The following PCDH9 variants were observed in gnomAD, a reference collection of about 807,000 sequenced individuals.
The protein encoded by PCDH9 is protocadherin-9.
PCDH9 carries 24 observed loss-of-function variants against 70.6 expected under a neutral mutation model. That is an observed-to-expected ratio of 0.34 (90% CI 0.25 to 0.48). The LOEUF (loss-of-function observed/expected upper bound fraction) is 0.48, where lower values mean the gene tolerates loss of function less well. Ranked by LOEUF, PCDH9 falls within the 20% of genes least tolerant of loss-of-function variation. PCDH9 has a pLI of 0.99. For synonymous variants in PCDH9, 562 were observed against 558.5 expected (o/e 1.01, Z -0.09); for missense variants, 1,281 against 1,503.6 (o/e 0.85, Z 2.45).
chr13:66,503,658 A>T (rs149149692), intron 4 of PCDH9, among the ~76,000 whole-genome samples: 1 of 152,334 alleles, frequency 6.6e-6, no homozygotes, highest in East Asian at 1.9e-4. Context: ...TGATAAGAAT[A>T]TGTATCCCAC....
At chr13:66,616,828 G>C (rs9599124) in intron 4 of PCDH9, among the ~76,000 whole-genome samples, 1 of 152,026 alleles carries the variant, frequency 6.6e-6, no homozygotes, top group South Asian at 2.1e-4. Flanking sequence ...GCTGAGTTCC[G>C]CAGTTTCACC....
At chr13:66,918,062 A>C (rs74361241) in intron 2 of PCDH9, among the ~76,000 whole-genome samples, 11 of 151,448 alleles carry the variant, frequency 7.3e-5, no homozygotes, top group Non-Finnish European at 1.5e-4. Flanking sequence ...ATTTAAGCTA[A>C]GAGGAAATGA....
At chr13:66,823,637 G>C (rs903440034) in intron 3 of PCDH9, among the ~76,000 whole-genome samples, 1 of 151,918 alleles carries the variant, frequency 6.6e-6, no homozygotes, top group African/African-American at 2.4e-5. Context: ...ATAATGTATG[G>C]GTTTTTCAGG....
intron 2 of PCDH9, among the ~76,000 whole-genome samples, chr13:67,162,883 A>C (rs2138421283): frequency 6.6e-6 from 1 of 152,354 alleles, no homozygotes; most frequent in East Asian, 1.9e-4. Flanking sequence ...ATATATCTTA[A>C]GTATGTCATT....
chr13:66,832,783 CAGAT>C (rs2080951348), intron 3 of PCDH9, among the ~76,000 whole-genome samples: 2 of 152,118 alleles, frequency 1.3e-5, no homozygotes, highest in African/African-American at 4.8e-5. Flanking sequence ...TAGCTTAAAT[CAGAT>C]GATTAACAAA....
chr13:66,688,926 A>T (rs1403315902), intron 3 of PCDH9, among the ~76,000 whole-genome samples: 1 of 152,150 alleles, frequency 6.6e-6, no homozygotes, highest in Non-Finnish European at 1.5e-5. Flanking sequence ...CTTACTAATT[A>T]TGTAGGAAAA....
chr13:66,936,556 G>A (rs560387074), intron 2 of PCDH9, among the ~76,000 whole-genome samples: 4 of 152,232 alleles, frequency 2.6e-5, no homozygotes, highest in Admixed American at 2.6e-4. Context: ...ATGATAAGTT[G>A]AAACTAAAGT....
At chr13:66,610,820 T>G (rs973866951) in intron 4 of PCDH9, among the ~76,000 whole-genome samples, 3 of 152,206 alleles carry the variant, frequency 2.0e-5, no homozygotes, top group Non-Finnish European at 4.4e-5. Flanking sequence ...GCACCACTCC[T>G]CCTGTGACAG....
intron 3 of PCDH9, among the ~76,000 whole-genome samples, chr13:66,710,926 T>C (rs2078784783): frequency 6.6e-6 from 1 of 152,188 alleles, no homozygotes; most frequent in Admixed American, 6.5e-5. Flanking sequence ...CCTGATTACA[T>C]TGATCATATC....
chr13:66,756,090 T>C (rs2079534693), intron 3 of PCDH9, among the ~76,000 whole-genome samples: 1 of 152,214 alleles, frequency 6.6e-6, no homozygotes, highest in South Asian at 2.1e-4. Flanking sequence ...AAGATATGGC[T>C]ACTGTTTGAA....
At chr13:66,515,629 A>G (rs1464164937) in intron 4 of PCDH9, among the ~76,000 whole-genome samples, 2 of 152,010 alleles carry the variant, frequency 1.3e-5, no homozygotes, top group Non-Finnish European at 2.9e-5. Context: ...TGCTAGGTCC[A>G]TGTAGTATGC....
intron 2 of PCDH9, among the ~76,000 whole-genome samples, chr13:67,082,672 T>C (rs2086008881): frequency 6.6e-6 from 1 of 152,330 alleles, no homozygotes; most frequent in Admixed American, 6.5e-5. Context: ...TTTATCTCTT[T>C]ATATTATGTT....
At chr13:66,368,723 C>A (rs1956593841) in intron 4 of PCDH9, among the ~76,000 whole-genome samples, 1 of 151,898 alleles carries the variant, frequency 6.6e-6, no homozygotes, top group Admixed American at 6.6e-5. Context: ...CAAGACTGGG[C>A]AATTTACAAA....
At chr13:66,560,728 TG>T (rs147951821) in intron 4 of PCDH9, among the ~76,000 whole-genome samples, 19,035 of 152,294 alleles carry the variant, frequency 0.12, 1,420 homozygotes, top group Middle Eastern at 0.23. Flanking sequence ...AAGGCATCTT[TG>T]CCCCTGGGCT....
At chr13:67,173,003 C>T (rs1275659259) in intron 2 of PCDH9, among the ~76,000 whole-genome samples, 1 of 151,574 alleles carries the variant, frequency 6.6e-6, no homozygotes, top group African/African-American at 2.4e-5. Context: ...AACTTTGCAA[C>T]CCCAAACAGC....
At chr13:66,872,331 T>C (rs1207740448) in intron 3 of PCDH9, among the ~76,000 whole-genome samples, 1 of 152,164 alleles carries the variant, frequency 6.6e-6, no homozygotes, top group Non-Finnish European at 1.5e-5. Context: ...GATTCTACTT[T>C]TTTTCCATCC....
At chr13:66,507,698 T>TTTTTTTC (rs925907620) in intron 4 of PCDH9, among the ~76,000 whole-genome samples, 2 of 149,454 alleles carry the variant, frequency 1.3e-5, no homozygotes, top group Admixed American at 6.7e-5. Context: ...TTCCTTTCTT[T>TTTTTTTC]TTTGTTTGTT....
chr13:67,191,689 C>A (rs1043587956), intron 2 of PCDH9, among the ~76,000 whole-genome samples: 3 of 152,076 alleles, frequency 2.0e-5, no homozygotes, highest in Non-Finnish European at 4.4e-5. Flanking sequence ...CCATTATCAC[C>A]CCCACCTGGA....
intron 3 of PCDH9, among the ~76,000 whole-genome samples, chr13:66,899,115 T>C (rs751367830): frequency 2.0e-5 from 3 of 152,046 alleles, no homozygotes; most frequent in Admixed American, 6.6e-5. Context: ...CATGACTCAA[T>C]TGGCAATTTT....
Sources: allele counts gnomAD v4.1 joint callset (sites outside exome capture counted in the v4.1 genomes callset), GRCh38; gene constraint gnomAD v4.1.1; transcripts MANE v1.5; gene names NCBI Gene and HGNC (gene_info 2026-07-23, HGNC 2026-07-21).